SGCD: variants seen among roughly 807,000 people sequenced by gnomAD.
The protein encoded by SGCD is sarcoglycan delta, also known as delta-sarcoglycan.
In SGCD, 18 loss-of-function variants were observed where a neutral mutation model predicts 36.6. The ratio of observed to expected loss-of-function variants is 0.49; its 90% CI spans 0.34 to 0.73. The LOEUF (loss-of-function observed/expected upper bound fraction) is 0.73, where lower values mean the gene tolerates loss of function less well. SGCD is among the 30% of genes least tolerant of loss of function. SGCD has a pLI of 0.01. For missense variants in SGCD, 387 were observed against 346.7 expected, an observed-to-expected ratio of 1.12 and a Z score of -0.92; for synonymous variants, 133 against 130.6, an observed-to-expected ratio of 1.02 and a Z score of -0.12.
chr5:156,204,455 G>A (rs942805520), intron 3 of SGCD, among the ~76,000 whole-genome samples: 9 of 143,116 alleles, frequency 6.3e-5, no homozygotes, highest in African/African-American at 2.4e-4. Context: ...AGTTTAACTA[G>A]TTTAGCCAAC....
intron 3 of SGCD, among the ~76,000 whole-genome samples, chr5:156,225,078 A>G (rs192533814): frequency 1.3e-5 from 2 of 152,226 alleles, no homozygotes; most frequent in African/African-American, 2.4e-5. Context: ...TTCATCACCA[A>G]TGGCATTGTT....
At chr5:156,455,568 C>T (rs1375183883) in intron 3 of SGCD, among the ~76,000 whole-genome samples, 2 of 151,908 alleles carry the variant, frequency 1.3e-5, no homozygotes, top group Middle Eastern at 3.2e-3. Context: ...GAGCCTCCTT[C>T]GGTAGGAAAG....
chr5:155,890,235 T>C (rs996365175), intron 1 of SGCD, among the ~76,000 whole-genome samples: 3 of 152,140 alleles, frequency 2.0e-5, no homozygotes, highest in African/African-American at 7.2e-5. Flanking sequence ...ACACAAGTTA[T>C]TGGTGTAGAT....
intron 7 of SGCD, among the ~76,000 whole-genome samples, chr5:156,669,215 G>A (rs1452014214): frequency 6.6e-6 from 1 of 152,120 alleles, no homozygotes; most frequent in African/African-American, 2.4e-5. Flanking sequence ...CTGATCGTCA[G>A]TGGGCACTGA....
At chr5:155,826,382 C>T in the SGCD span, among the ~76,000 whole-genome samples, 1 of 152,148 alleles carries the variant, frequency 6.6e-6, no homozygotes, top group African/African-American at 2.4e-5. Flanking sequence ...TCTAATTTTA[C>T]TTACTATACT....
At chr5:156,577,575 A>C (rs1454101599) in intron 4 of SGCD, among the ~76,000 whole-genome samples, 6 of 152,088 alleles carry the variant, frequency 3.9e-5, no homozygotes, top group African/African-American at 1.4e-4. Flanking sequence ...ATTTGTTTGC[A>C]TCCTCTTTTA....
chr5:156,693,882 C>T (rs576420884), intron 7 of SGCD, among the ~76,000 whole-genome samples: 53 of 152,200 alleles, frequency 3.5e-4, no homozygotes, highest in African/African-American at 8.7e-4. Context: ...TGGTAAGAAT[C>T]GGGGATCTTC....
intron 7 of SGCD, among the ~76,000 whole-genome samples, chr5:156,755,191 AC>A (rs1165520012): frequency 6.6e-6 from 1 of 152,180 alleles, no homozygotes; most frequent in Non-Finnish European, 1.5e-5. Flanking sequence ...GATTCTGAAA[AC>A]GGAGAAGTTC....
chr5:156,129,195 A>G (rs751030901), intron 3 of SGCD, among the ~76,000 whole-genome samples: 2 of 152,224 alleles, frequency 1.3e-5, no homozygotes, highest in Non-Finnish European at 2.9e-5. Context: ...CAATTTTAAA[A>G]TGCATTAAAA....
At chr5:156,307,641 C>A (rs573485019) in intron 3 of SGCD, among the ~76,000 whole-genome samples, 6 of 133,534 alleles carry the variant, frequency 4.5e-5, no homozygotes, top group African/African-American at 1.6e-4. Context: ...AATAGTGAAA[C>A]CATACTTAGA....
chr5:156,390,478 A>G (rs1436057590), intron 3 of SGCD, among the ~76,000 whole-genome samples: 1 of 152,238 alleles, frequency 6.6e-6, no homozygotes, highest in East Asian at 1.9e-4. Context: ...CTGTATTCCC[A>G]GCACTTTGGG....
chr5:156,512,565 A>T (rs764940682), intron 4 of SGCD, among the ~76,000 whole-genome samples: 4 of 152,324 alleles, frequency 2.6e-5, no homozygotes, highest in South Asian at 2.1e-4. Context: ...ATGTATCCTC[A>T]TGAAGTAATG....
At chr5:156,592,003 C>A (rs1760740238) in intron 5 of SGCD, among the ~76,000 whole-genome samples, 1 of 152,066 alleles carries the variant, frequency 6.6e-6, no homozygotes, top group African/African-American at 2.4e-5. Context: ...TCTGTGAAGC[C>A]CTGAAAAGCA....
chr5:156,511,899 A>T (rs1756945145), intron 4 of SGCD, among the ~76,000 whole-genome samples: 1 of 152,208 alleles, frequency 6.6e-6, no homozygotes, highest in Admixed American at 6.5e-5. Flanking sequence ...AGCACTGTTA[A>T]GAATTTACTG....
chr5:156,076,968 G>A (rs1220744227), intron 1 of SGCD, among the ~76,000 whole-genome samples: 1 of 152,134 alleles, frequency 6.6e-6, no homozygotes, highest in Non-Finnish European at 1.5e-5. Flanking sequence ...TATATACAAT[G>A]TTTGTTTTAC....
At chr5:156,549,258 C>T (rs889792271) in intron 4 of SGCD, among the ~76,000 whole-genome samples, 1 of 152,012 alleles carries the variant, frequency 6.6e-6, no homozygotes, top group Non-Finnish European at 1.5e-5. Flanking sequence ...GGGATTTTTC[C>T]GTAAAATAAG....
intron 1 of SGCD, among the ~76,000 whole-genome samples, chr5:156,075,519 C>T (rs1372300582): frequency 6.6e-6 from 1 of 151,988 alleles, no homozygotes; most frequent in African/African-American, 2.4e-5. Flanking sequence ...ATTGAGGGCC[C>T]AGGAACATCA....
At chr5:156,417,382 G>A (rs1464463222) in intron 3 of SGCD, among the ~76,000 whole-genome samples, 1 of 152,158 alleles carries the variant, frequency 6.6e-6, no homozygotes, top group Non-Finnish European at 1.5e-5. Context: ...GTTTTGGGAT[G>A]ATGATGACAA....
chr5:156,166,910 C>A (rs1763228349), intron 3 of SGCD, among the ~76,000 whole-genome samples: 1 of 152,202 alleles, frequency 6.6e-6, no homozygotes, highest in Non-Finnish European at 1.5e-5. Flanking sequence ...AAGACAGCCA[C>A]ACCCCACAGG....
Sources: gnomAD v4.1 joint callset for allele counts (sites outside exome capture counted in the v4.1 genomes callset) on GRCh38, gnomAD v4.1.1 for gene constraint, MANE v1.5 for transcripts, NCBI Gene and HGNC (gene_info 2026-07-23, HGNC 2026-07-21) for gene names.